CCDC141: variants seen among roughly 807,000 people sequenced by gnomAD.
CCDC141 encodes coiled-coil domain-containing protein 141.
In CCDC141, 168 loss-of-function variants were observed where a neutral mutation model predicts 181.0. That is an observed-to-expected ratio of 0.93 (90% CI 0.82 to 1.05). The LOEUF is 1.05. Among genes scored for constraint, CCDC141 ranks in the 50% least tolerant of loss-of-function variants. The probability of loss-of-function intolerance (pLI) is 0.00; values close to 1 mark genes in which losing one functional copy is unlikely to be tolerated. For missense variants in CCDC141, 1,902 were observed against 1,788.5 expected (o/e 1.06, Z -1.14); for synonymous variants, 666 against 642.3 (o/e 1.04, Z -0.56).
At chr2:179,014,928 C>T (rs1575345858) in intron 2 of CCDC141, among the ~76,000 whole-genome samples, 1 of 151,176 alleles carries the variant, frequency 6.6e-6, no homozygotes, top group East Asian at 1.9e-4. Flanking sequence ...TGGGTATCTA[C>T]CCAGAGGAAA....
intron 13 of CCDC141, 42 bp downstream of exon 13, chr2:178,872,091 G>A (rs755078995): frequency 1.9e-6 from 3 of 1,586,630 alleles, no homozygotes; most frequent in African/African-American, 1.4e-5. Context: ...AGCCTGTGTC[G>A]GAATTTCATT....
chr2:178,837,139 A>G lies in CCDC141; in HGVS notation c.4080T>C (p.Asp1360=). The change falls in exon 23 of 24, where the codon GAT becomes GAC. Residue 1360 remains aspartate, a synonymous_variant. Transcript: ENST00000443758. ...ATGCATCAGAGGAAGCATGCAGCCT[A>G]TCTTGGGTTTTAGTGAAGTTATTAT... ...HADNNFTKTQ[D]RLHASSDAFS... 1 of 1,613,900 alleles carries G rather than the reference A, an allele frequency of 6.2e-7. No homozygotes were observed. The highest frequency in any genetic ancestry group is 8.5e-7 in the Non-Finnish European group (1 of 1,179,952).
At chr2:178,921,333 A>T (rs1688679344) in intron 6 of CCDC141, among the ~76,000 whole-genome samples, 1 of 152,232 alleles carries the variant, frequency 6.6e-6, no homozygotes, top group African/African-American at 2.4e-5. Flanking sequence ...AATTTCTGGC[A>T]CACATAATAG....
At chr2:178,903,684 C>A (rs1460518754) in intron 8 of CCDC141, among the ~76,000 whole-genome samples, 3 of 151,000 alleles carry the variant, frequency 2.0e-5, no homozygotes, top group Non-Finnish European at 4.4e-5. Flanking sequence ...TGCAGCACAC[C>A]AGAATGCCAC....
Position 178,884,940 on chromosome 2 carries a change from G to T in CCDC141, c.1680C>A (p.Val560=). 6.5e-7 allele frequency: 1 copy of T among 1,550,340 alleles called. No homozygotes were observed. Among genetic ancestry groups the T allele is most frequent in the South Asian group, 1.2e-5 (1 of 84,034 alleles). Reference sequence around the variant, plus strand: ...TCAGAAATGCCACGTAAGTTTGCAGGACTTGCGATCTATAGTCAATGCTTT... The same window carrying T: ...TCAGAAATGCCACGTAAGTTTGCAGTACTTGCGATCTATAGTCAATGCTTT... The part of the protein sequence containing the change: ...FGQSIDYRSQ[V]LQTYVAFLKS... Residue 560 remains valine, a synonymous_variant, in exon 11 of 24, where the codon GTC becomes GTA. Transcript: ENST00000443758.
chr2:178,961,255 C>T lies in CCDC141; in HGVS notation c.755G>A (p.Cys252Tyr), dbSNP rs1690383497. 6.4e-7 allele frequency: 1 copy of T among 1,550,412 alleles called. No homozygotes were observed. The highest frequency in any genetic ancestry group is 8.7e-7 in the Non-Finnish European group (1 of 1,146,844). The part of the protein sequence containing the change: ...WQELSQVLQI[C>Y]QWDQQENQVT... The stretch of plus-strand genomic sequence containing the variant: ...CTGGTTTTCTTGTTGGTCCCACTGA[C>T]ATATCTGCAGAACTTGACTCAATTC... Residue 252 changes from cysteine (C) to tyrosine (Y), a missense_variant, in exon 5 of 24, where the codon TGT becomes TAT. Physicochemically the swap from Cys to Tyr is radical, Grantham distance 194. Transcript: ENST00000443758.
intron 5 of CCDC141, 101 bp from the exon 6 acceptor site, chr2:178,944,752 T>A: frequency 2.1e-6 from 1 of 475,140 alleles, no homozygotes; most frequent in Non-Finnish European, 3.7e-6. Context: ...TTAAGCTACT[T>A]TAATTTCTTT....
chr2:179,033,010 A>T (rs1354024532), intron 2 of CCDC141, among the ~76,000 whole-genome samples: 1 of 147,482 alleles, frequency 6.8e-6, no homozygotes, highest in Non-Finnish European at 1.5e-5. Flanking sequence ...TATATATATA[A>T]TATATAATAT....
rs150517934 is a variant in CCDC141, at chr2:178,968,263, C to A, written c.527-6780G>T. ...TAATAGACATCTACAGAACTCTCCA[C>A]CTCAATTCAACAGAATATACATTTT... is the stretch of plus-strand genomic sequence containing the variant. On this transcript the variant is annotated intron_variant, in intron 4 of 23. Coordinates refer to ENST00000443758, the MANE Select transcript of CCDC141 (RefSeq NM_173648.4). Among the ~76,000 whole-genome samples, 1,330 of 152,340 alleles carry A rather than the reference C, an allele frequency of 8.7e-3. 20 individuals are homozygous for A. Among genetic ancestry groups the A allele is most frequent in the African/African-American group, 0.031 (1,285 of 41,568 alleles).
chr2:178,845,800 T>C (rs1575122277), intron 21 of CCDC141, 58 bp from the exon 22 acceptor site: 3 of 941,712 alleles, frequency 3.2e-6, no homozygotes, highest in Admixed American at 3.4e-5. Flanking sequence ...AACAGTGCCA[T>C]ACACTAACTA....
intron 4 of CCDC141, among the ~76,000 whole-genome samples, chr2:178,971,037 A>G (rs555711672): frequency 6.6e-6 from 1 of 152,224 alleles, no homozygotes; most frequent in Admixed American, 6.5e-5. Context: ...GTGAAACTCC[A>G]TCTCTACTAA....
chr2:179,047,174 A>C, intron 2 of CCDC141, 110 bp downstream of exon 2: 1 of 828,752 alleles, frequency 1.2e-6, no homozygotes, highest in Non-Finnish European at 1.7e-6. Flanking sequence ...TCTACCTGGT[A>C]CCATATTAAA....
At chr2:178,953,246 C>A (rs563593897) in intron 5 of CCDC141, among the ~76,000 whole-genome samples, 6 of 152,242 alleles carry the variant, frequency 3.9e-5, no homozygotes, top group African/African-American at 1.2e-4. Flanking sequence ...ACCATCCTGG[C>A]TAACATGGTG....
intron 8 of CCDC141, among the ~76,000 whole-genome samples, chr2:178,890,418 T>C (rs1297862920): frequency 1.3e-5 from 2 of 152,120 alleles, no homozygotes; most frequent in Admixed American, 6.6e-5. Context: ...AGTCCAAATT[T>C]TGAAAGTTTC....
chr2:178,927,334 A>G (rs1688945075), intron 6 of CCDC141, among the ~76,000 whole-genome samples: 1 of 152,146 alleles, frequency 6.6e-6, no homozygotes, highest in Non-Finnish European at 1.5e-5. Flanking sequence ...CACAAGCTCA[A>G]ACAGGAAGCA....
At chr2:178,926,146 A>G (rs948186987) in intron 6 of CCDC141, among the ~76,000 whole-genome samples, 2 of 152,084 alleles carry the variant, frequency 1.3e-5, no homozygotes, top group Non-Finnish European at 2.9e-5. Flanking sequence ...TGGTAGGGTG[A>G]AAAAAATAAG....
At chr2:178,970,699 C>T (rs1311976894) in intron 4 of CCDC141, among the ~76,000 whole-genome samples, 2 of 152,178 alleles carry the variant, frequency 1.3e-5, no homozygotes, top group Non-Finnish European at 2.9e-5. Context: ...CCATTCAAGA[C>T]ACAGGCATGG....
At chr2:178,861,580 C>G (rs1340940179) in intron 17 of CCDC141, among the ~76,000 whole-genome samples, 2 of 148,234 alleles carry the variant, frequency 1.3e-5, no homozygotes, top group African/African-American at 5.0e-5. Flanking sequence ...AGGTTGCAGT[C>G]AGCCAAGATC....
At chr2:178,998,092 T>C (rs934202579) in intron 2 of CCDC141, among the ~76,000 whole-genome samples, 2 of 143,182 alleles carry the variant, frequency 1.4e-5, no homozygotes, top group East Asian at 4.3e-4. Flanking sequence ...AGCAATAATA[T>C]TGCAATATAA....
Sources: allele counts gnomAD v4.1 joint callset (sites outside exome capture counted in the v4.1 genomes callset), GRCh38; gene constraint gnomAD v4.1.1; transcripts MANE v1.5; gene names NCBI Gene and HGNC (gene_info 2026-07-23, HGNC 2026-07-21).